Variants in NBAS observed in about 807,000 individuals in gnomAD.
NBAS encodes NAG/BC035112 fusion.
A neutral mutation model predicts 302.5 loss-of-function variants in NBAS; 219 were observed. That is an observed-to-expected ratio of 0.72 (90% CI 0.65 to 0.81). The LOEUF (loss-of-function observed/expected upper bound fraction) is 0.81. NBAS is among the 30% of genes least tolerant of loss of function. The pLI is 0.00. For missense variants in NBAS, 2,932 were observed against 2,841.6 expected (o/e 1.03, Z -0.72); for synonymous variants, 1,118 against 1,021.6 (o/e 1.09, Z -1.80).
intron 50 of NBAS, among the ~76,000 whole-genome samples, chr2:15,186,270 TG>T (rs1665082529): frequency 6.6e-6 from 1 of 151,754 alleles, no homozygotes; most frequent in African/African-American, 2.4e-5. Flanking sequence ...AAAAAGGAGG[TG>T]CCTGAGTTTT....
chr2:15,101,141 A>G, the NBAS span, among the ~76,000 whole-genome samples: 1 of 152,180 alleles, frequency 6.6e-6, no homozygotes, highest in Admixed American at 6.5e-5. Flanking sequence ...ATCCTTTTCA[A>G]CTCTGACAGC....
At chr2:15,235,692 G>T (rs537779771) in intron 45 of NBAS, among the ~76,000 whole-genome samples, 2 of 152,262 alleles carry the variant, frequency 1.3e-5, no homozygotes, top group East Asian at 3.9e-4. Flanking sequence ...AAAATGAAAA[G>T]ATGACTGAGA....
chr2:14,823,890 A>C, the NBAS span, among the ~76,000 whole-genome samples: 1 of 151,946 alleles, frequency 6.6e-6, no homozygotes, highest in Non-Finnish European at 1.5e-5. Context: ...AAATCTTTCC[A>C]TGGAAGTTTC....
chr2:15,335,502 T>C (rs1483523409), intron 35 of NBAS, among the ~76,000 whole-genome samples: 3 of 152,234 alleles, frequency 2.0e-5, no homozygotes, highest in Non-Finnish European at 2.9e-5. Context: ...TGGTATTTCA[T>C]GTCTTTTTCA....
the NBAS span, among the ~76,000 whole-genome samples, chr2:14,974,928 G>C: frequency 6.6e-6 from 1 of 152,152 alleles, no homozygotes; most frequent in African/African-American, 2.4e-5. Flanking sequence ...CAGAAGGAAG[G>C]GTCAGAGAGA....
intron 21 of NBAS, among the ~76,000 whole-genome samples, chr2:15,458,812 GA>G (rs2148555073): frequency 2.0e-5 from 3 of 152,222 alleles, no homozygotes; most frequent in Admixed American, 2.0e-4. Flanking sequence ...CAGTGTGAAA[GA>G]CTTTCTTGAG....
At chr2:15,249,848 A>AG (rs1372154718) in intron 44 of NBAS, among the ~76,000 whole-genome samples, 1 of 152,240 alleles carries the variant, frequency 6.6e-6, no homozygotes, top group African/African-American at 2.4e-5. Flanking sequence ...GCTCATGGAT[A>AG]GGAAGAATCA....
At chr2:15,305,515 G>A (rs890944974) in intron 40 of NBAS, among the ~76,000 whole-genome samples, 1 of 147,332 alleles carries the variant, frequency 6.8e-6, no homozygotes, top group African/African-American at 2.5e-5. Context: ...GCAACGGCGC[G>A]ATCTCAGCTC....
At chr2:14,905,200 A>G in the NBAS span, among the ~76,000 whole-genome samples, 2 of 152,216 alleles carry the variant, frequency 1.3e-5, no homozygotes, top group Non-Finnish European at 2.9e-5. Context: ...ATCTTCACAG[A>G]CACACCCAGA....
At position 15,504,147 on chromosome 2, in the gene NBAS, G is replaced by C. The variant is rs1047332996; in HGVS notation, c.952C>G (p.Gln318Glu). The change falls in exon 11 of 52, where the codon CAG (glutamine) becomes GAG (glutamate). Residue 318 changes from glutamine to glutamate, a missense_variant and splice_region_variant. Transcript: ENST00000281513. The stretch of plus-strand genomic sequence containing the variant: ...ATAGTTAAGCCAATTTGTGTTACCT[G>C]TTCTTGTCCCTGGCGACTGTAAAAC... ...VKFYSRQGQE[Q>E]DGIFKMSLSP... 2 of 1,612,364 alleles carry C rather than the reference G, an allele frequency of 1.2e-6. No homozygotes were observed. Among genetic ancestry groups the C allele is most frequent in the Non-Finnish European group, 1.7e-6 (2 of 1,178,482 alleles).
chr2:15,536,546 A>G lies in NBAS; in HGVS notation c.519T>C (p.Ser173=). 6.2e-7 allele frequency: 1 copy of G among 1,608,250 alleles called. No individual in the cohort carries two copies. The highest frequency in any genetic ancestry group is 8.5e-7 in the Non-Finnish European group (1 of 1,177,926). ...GSELFVISPA[S]SFIGDLSYAI... ...CATAGCTTAAGTCACCTATAAAACTAGATGCCTACAGAAGAGGGGGAAATT... is the reference window on the plus strand; with the variant it reads ...CATAGCTTAAGTCACCTATAAAACTGGATGCCTACAGAAGAGGGGGAAATT... Residue 173 remains serine (S), a synonymous_variant, in exon 8 of 52, where the codon TCT becomes TCC. Coordinates refer to ENST00000281513, the MANE Select transcript of NBAS (RefSeq NM_015909.4).
intron 6 of NBAS, among the ~76,000 whole-genome samples, chr2:15,543,179 C>T (rs1572995118): frequency 6.6e-6 from 1 of 152,280 alleles, no homozygotes; most frequent in South Asian, 2.1e-4. Flanking sequence ...CTATACCCCC[C>T]GACTCATATT....
the NBAS span, among the ~76,000 whole-genome samples, chr2:15,011,669 C>A: frequency 1.1e-4 from 16 of 152,156 alleles, no homozygotes; most frequent in African/African-American, 3.6e-4. Flanking sequence ...CAATCCAGAC[C>A]CCATATTGGC....
the NBAS span, among the ~76,000 whole-genome samples, chr2:14,848,282 G>A: frequency 6.8e-6 from 1 of 147,098 alleles, no homozygotes; most frequent in Admixed American, 6.6e-5. Flanking sequence ...CAAGGGGTCA[G>A]GGAGTTCCCT....
At chr2:15,021,681 A>G in the NBAS span, among the ~76,000 whole-genome samples, 1 of 152,122 alleles carries the variant, frequency 6.6e-6, no homozygotes, top group Non-Finnish European at 1.5e-5. Flanking sequence ...TTGGGCTCAC[A>G]GGCCTAGAGA....
At chr2:15,085,288 G>T in the NBAS span, among the ~76,000 whole-genome samples, 5,074 of 152,144 alleles carry the variant, frequency 0.033, 283 homozygotes, top group African/African-American at 0.12. Context: ...GCAGCCACTG[G>T]GCCCACCCCA....
the NBAS span, among the ~76,000 whole-genome samples, chr2:15,047,522 C>G: frequency 6.6e-6 from 1 of 151,682 alleles, no homozygotes; most frequent in South Asian, 2.1e-4. Flanking sequence ...GAAGGCTGGG[C>G]CCGGGCAGAT....
At chr2:15,042,658 T>A in the NBAS span, among the ~76,000 whole-genome samples, 1 of 152,174 alleles carries the variant, frequency 6.6e-6, no homozygotes, top group Non-Finnish European at 1.5e-5. Flanking sequence ...GTGAAGACAC[T>A]CTGCCCCCTT....
the NBAS span, among the ~76,000 whole-genome samples, chr2:15,156,257 A>G: frequency 6.6e-6 from 1 of 152,156 alleles, no homozygotes; most frequent in African/African-American, 2.4e-5. Context: ...GTCTTCCCCA[A>G]CCAAGGCCTC....
Sources: allele counts gnomAD v4.1 joint callset (sites outside exome capture counted in the v4.1 genomes callset), GRCh38; gene constraint gnomAD v4.1.1; transcripts MANE v1.5; gene names NCBI Gene and HGNC (gene_info 2026-07-23, HGNC 2026-07-21).